Variants in OPCML observed in about 807,000 individuals in gnomAD.
OPCML encodes opioid binding protein/cell adhesion molecule like.
A neutral mutation model predicts 37.8 loss-of-function variants in OPCML; 13 were observed. That is an observed-to-expected ratio of 0.34 (90% CI 0.22 to 0.55). OPCML has a LOEUF of 0.55. Among genes scored for constraint, OPCML ranks in the 20% least tolerant of loss-of-function variants. The pLI, the probability that OPCML is intolerant of heterozygous loss-of-function variation, is 0.91. For missense variants in OPCML, 341 were observed against 435.6 expected, an observed-to-expected ratio of 0.78 and a Z score of 1.93; for synonymous variants, 176 against 168.8, an observed-to-expected ratio of 1.04 and a Z score of -0.33.
chr11:132,737,183 G>A (rs1945288010), intron 2 of OPCML, among the ~76,000 whole-genome samples: 1 of 152,152 alleles, frequency 6.6e-6, no homozygotes, highest in Non-Finnish European at 1.5e-5. Flanking sequence ...TTTGCAAGGA[G>A]GTCAAAGTTT....
In OPCML at chr11:133,165,445, G is replaced by T. The variant is rs552423796; in HGVS notation, c.62-222435C>A. The stretch of plus-strand genomic sequence containing the variant: ...CCAGGGACCCTTGTTTCAACGAAGG[G>T]TTCCTTTTCCCTGGGCCTGGACAAC... On this transcript the variant is annotated intron_variant, in intron 1 of 7. Coordinates refer to ENST00000524381, the MANE Select transcript of OPCML (RefSeq NM_001012393.5). 2.0e-5 allele frequency among the ~76,000 whole-genome samples: 3 copies of T among 152,218 alleles called. No homozygotes were observed. In the South Asian group the frequency reaches 6.2e-4, roughly 32 times the overall value.
At chr11:133,360,146 A>G (rs1227642817) in intron 1 of OPCML, 2 of 152,224 alleles carry the variant, frequency 1.3e-5, no homozygotes, top group Admixed American at 1.3e-4. Flanking sequence ...GCCCATCAGG[A>G]TGGGTTATCC....
Position 132,828,550 on chromosome 11 carries a change from T to TA in OPCML, c.146+114375dup, listed in dbSNP as rs35238591. Among the ~76,000 whole-genome samples, 724 of 148,896 alleles carry TA rather than the reference T, an allele frequency of 4.9e-3. 3 individuals are homozygous for TA. Among genetic ancestry groups the TA allele is most frequent in the African/African-American group, 7.6e-3 (310 of 40,726 alleles). ...TTTAATCTTGCTAAAACAGCTCTTT[T>TA]AAAAAAAAAAGTCTATTTATTTTAA... is the stretch of plus-strand genomic sequence containing the variant. On this transcript the variant is annotated intron_variant, in intron 2 of 7. Coordinates refer to ENST00000524381, the MANE Select transcript of OPCML (RefSeq NM_001012393.5).
chr11:132,947,383 A>C (rs1397016076), intron 1 of OPCML, among the ~76,000 whole-genome samples: 1 of 152,236 alleles, frequency 6.6e-6, no homozygotes, highest in Non-Finnish European at 1.5e-5. Context: ...CTCCCCTGAA[A>C]TAAGGTATCT....
chr11:132,824,140 C>A (rs867442673), intron 2 of OPCML, among the ~76,000 whole-genome samples: 13 of 152,168 alleles, frequency 8.5e-5, no homozygotes, highest in East Asian at 3.9e-4. Context: ...CTCATTTTAG[C>A]TTATTTTATC....
intron 2 of OPCML, among the ~76,000 whole-genome samples, chr11:132,915,123 T>C (rs973120367): frequency 1.3e-5 from 2 of 152,232 alleles, no homozygotes; most frequent in African/African-American, 4.8e-5. Flanking sequence ...AGAACATGTG[T>C]ATCCCATCTT....
At chr11:133,325,507 CA>C (rs1399478845) in intron 1 of OPCML, among the ~76,000 whole-genome samples, 2 of 151,870 alleles carry the variant, frequency 1.3e-5, no homozygotes, top group East Asian at 3.9e-4. Flanking sequence ...CAGAAACAAC[CA>C]AAAAACAGAG....
At chr11:133,265,260 GTGAATCAACTAGCAATGT>G (rs1272838051) in intron 1 of OPCML, among the ~76,000 whole-genome samples, 5 of 152,194 alleles carry the variant, frequency 3.3e-5, no homozygotes, top group South Asian at 2.1e-4. Context: ...GGGTGGGATG[GTGAATCAACTAGCAATGT>G]CTGACTCAGG....
intron 2 of OPCML, among the ~76,000 whole-genome samples, chr11:132,665,078 C>T (rs1307744432): frequency 6.6e-6 from 1 of 152,156 alleles, no homozygotes; most frequent in Admixed American, 6.5e-5. Context: ...AGGAAGGGTG[C>T]ATGCCCACGT....
chr11:132,536,620 C>T (rs1255553661), intron 3 of OPCML, among the ~76,000 whole-genome samples: 1 of 152,144 alleles, frequency 6.6e-6, no homozygotes, highest in African/African-American at 2.4e-5. Flanking sequence ...GTTTTAAACA[C>T]TCAAGGCTAT....
intron 1 of OPCML, among the ~76,000 whole-genome samples, chr11:133,153,778 G>A (rs568230578): frequency 3.4e-4 from 29 of 85,376 alleles, no homozygotes; most frequent in Non-Finnish European, 5.8e-4. Context: ...CTTACAAGGT[G>A]CTATAGAATA....
chr11:132,790,351 G>A lies in OPCML; in HGVS notation c.147-133032C>T, dbSNP rs894486127. 2.0e-5 allele frequency among the ~76,000 whole-genome samples: 3 copies of A among 152,272 alleles called. No individual in the cohort carries two copies. The South Asian group carries it at 6.2e-4, about 32-fold the overall frequency. ...ATTGATTGTATATTTCAAAACAGGT[G>A]GAAGAAAAGAGTTGAAATGTTCCCA... On this transcript the variant is annotated intron_variant, in intron 2 of 7. Coordinates refer to ENST00000524381, the MANE Select transcript of OPCML (RefSeq NM_001012393.5).
At position 133,035,569 on chromosome 11, in the gene OPCML, C is replaced by T. The variant is rs1024812776; in HGVS notation, c.62-92559G>A. ...AGTATGTGGCACAGGCTAAGTGCCA[C>T]ATCAGATCTCTGAGCCTGTGCCTGC... is the stretch of plus-strand genomic sequence containing the variant. On this transcript the variant is annotated intron_variant, in intron 1 of 7. Coordinates refer to ENST00000524381, the MANE Select transcript of OPCML (RefSeq NM_001012393.5). Among the ~76,000 whole-genome samples the T allele has an allele frequency of 1.1e-4, 17 of 152,316 alleles. No homozygotes were observed. The South Asian group carries it at 3.1e-3, about 28-fold the overall frequency.
intron 6 of OPCML, 57 bp from the exon 7 acceptor site, chr11:132,436,294 C>A: frequency 6.2e-7 from 1 of 1,611,984 alleles, no homozygotes. Context: ...CTCCTCCTCA[C>A]CAAACTCTTT....
At chr11:132,831,908 C>T (rs533214565) in intron 2 of OPCML, among the ~76,000 whole-genome samples, 2 of 152,186 alleles carry the variant, frequency 1.3e-5, no homozygotes, top group African/African-American at 4.8e-5. Flanking sequence ...TCCCAGTGCA[C>T]CTCCTGTCTT....
chr11:132,927,899 C>T (rs1049848948), intron 2 of OPCML, among the ~76,000 whole-genome samples: 1 of 151,848 alleles, frequency 6.6e-6, no homozygotes, highest in South Asian at 2.1e-4. Context: ...GTTTTTCTAA[C>T]CTTAGGATAT....
intron 1 of OPCML, among the ~76,000 whole-genome samples, chr11:133,323,539 C>T (rs1943382427): frequency 1.3e-5 from 2 of 152,140 alleles, no homozygotes. Context: ...GCACTGAGGA[C>T]AGTTCTTGTG....
At chr11:133,143,363 T>C (rs1484980492) in intron 1 of OPCML, among the ~76,000 whole-genome samples, 1 of 152,170 alleles carries the variant, frequency 6.6e-6, no homozygotes, top group Non-Finnish European at 1.5e-5. Context: ...GGTGAGGCCA[T>C]GTCCTCTCCT....
At position 133,303,277 on chromosome 11, in the gene OPCML, G is replaced by A. The variant is rs113111010; in HGVS notation, c.61+228987C>T. On this transcript the variant is annotated intron_variant, in intron 1 of 7. Transcript: ENST00000524381. ...AGAAATGGAGGTTGGCATAAGGGAA[G>A]AGCAGCACTTCAAAAGTATTTAAGC... Among the ~76,000 whole-genome samples the A allele has an allele frequency of 2.8e-4, 42 of 152,298 alleles. 1 individual carries two copies. The highest frequency in any genetic ancestry group is 7.9e-4 in the African/African-American group (33 of 41,564).
Sources: gnomAD v4.1 joint callset for allele counts (sites outside exome capture counted in the v4.1 genomes callset) on GRCh38, gnomAD v4.1.1 for gene constraint, MANE v1.5 for transcripts, NCBI Gene and HGNC (gene_info 2026-07-23, HGNC 2026-07-21) for gene names.